EGLN1: variants seen among roughly 807,000 people sequenced by gnomAD.
EGLN1 encodes egl-9 family hypoxia inducible factor 1, also known as egl nine homolog 1.
Under a neutral mutation model 38.3 loss-of-function variants are expected in EGLN1, and 17 were observed. The observed-to-expected ratio is 0.44, with a 90% CI of 0.30 to 0.67. EGLN1 has a LOEUF of 0.67. Ranked by LOEUF, EGLN1 falls within the 30% of genes least tolerant of loss-of-function variation. The pLI is 0.08. For synonymous variants in EGLN1, 283 were observed against 257.5 expected, an observed-to-expected ratio of 1.10 and a Z score of -0.95; for missense variants, 477 against 603.3, an observed-to-expected ratio of 0.79 and a Z score of 2.19.
At chr1:231,409,398 C>T (rs1688876089) in intron 1 of EGLN1, among the ~76,000 whole-genome samples, 2 of 152,052 alleles carry the variant, frequency 1.3e-5, no homozygotes, top group Non-Finnish European at 2.9e-5. Flanking sequence ...AGTTAAGACT[C>T]CAGAAAGGCA....
intron 1 of EGLN1, among the ~76,000 whole-genome samples, chr1:231,389,184 T>C (rs912454526): frequency 5.9e-5 from 9 of 152,242 alleles, no homozygotes; most frequent in Non-Finnish European, 7.3e-5. Flanking sequence ...TCAACCATAC[T>C]ATACAGAAGT....
intron 1 of EGLN1, among the ~76,000 whole-genome samples, chr1:231,381,923 T>G (rs150824027): frequency 6.6e-4 from 100 of 152,334 alleles, no homozygotes; most frequent in African/African-American, 2.3e-3. Flanking sequence ...AGACTGGGGA[T>G]CCTGAGCAGG....
At chr1:231,371,495 C>A (rs1277306794) in intron 2 of EGLN1, among the ~76,000 whole-genome samples, 1 of 152,196 alleles carries the variant, frequency 6.6e-6, no homozygotes, top group African/African-American at 2.4e-5. Context: ...TTATGACCAT[C>A]ATTATTGTCG....
At chr1:231,411,507 T>C (rs1688941675) in intron 1 of EGLN1, among the ~76,000 whole-genome samples, 2 of 152,222 alleles carry the variant, frequency 1.3e-5, no homozygotes, top group South Asian at 4.1e-4. Context: ...CATTTCCTAT[T>C]AAGGTGTTAT....
rs1553353099 is a variant in EGLN1 at position 231,391,092 on chromosome 1, T to TGTGTGTGTGTG, written c.892-16994_892-16993insCACACACACAC. ...ACAGGGAACTCATTCTGTTTTTTTT[T>TGTGTGTGTGTG]TGTGTGTGTGTGTGTGTGTGTGTGT... is the stretch of plus-strand genomic sequence containing the variant. On this transcript the variant is annotated intron_variant, in intron 1 of 4. Transcript: ENST00000366641. Among the ~76,000 whole-genome samples the TGTGTGTGTGTG allele has an allele frequency of 9.9e-4, 67 of 67,360 alleles. 1 individual carries two copies. Among genetic ancestry groups the TGTGTGTGTGTG allele is most frequent in the South Asian group, 2.0e-3 (4 of 2,046 alleles). 44.2% of individuals were successfully genotyped at this position (67,360 alleles called of 152,430 possible).
intron 2 of EGLN1, among the ~76,000 whole-genome samples, chr1:231,371,505 G>A (rs372654966): frequency 2.6e-5 from 4 of 152,018 alleles, no homozygotes; most frequent in African/African-American, 7.3e-5. Flanking sequence ...CATTATTGTC[G>A]TCGTCACCAT....
rs141705022 is a variant in EGLN1 at position 231,411,581 on chromosome 1, A to C, written c.891+9417T>G. ...TACAGCTTCCTGGGTTCTGGAGTTCATGTTTCATGTTTCTGGTTTTAATTT... is the reference window on the plus strand; with the variant it reads ...TACAGCTTCCTGGGTTCTGGAGTTCCTGTTTCATGTTTCTGGTTTTAATTT... On this transcript the variant is annotated intron_variant, in intron 1 of 4. Coordinates refer to ENST00000366641, the MANE Select transcript of EGLN1 (RefSeq NM_022051.3). Among the ~76,000 whole-genome samples, 1,109 of 152,254 alleles carry C rather than the reference A, an allele frequency of 7.3e-3. 6 individuals carry two copies. The highest frequency in any genetic ancestry group is 0.011 in the South Asian group (51 of 4,824).
chr1:231,416,795 CCT>C (rs1469017253), intron 1 of EGLN1, among the ~76,000 whole-genome samples: 2 of 152,082 alleles, frequency 1.3e-5, no homozygotes, highest in African/African-American at 4.8e-5. Flanking sequence ...TTAAGACTAC[CCT>C]CTCAGTCCAC....
intron 1 of EGLN1, among the ~76,000 whole-genome samples, chr1:231,377,881 A>T (rs765583546): frequency 2.0e-5 from 3 of 150,046 alleles, no homozygotes; most frequent in Non-Finnish European, 4.5e-5. Flanking sequence ...CCAAGTGAGG[A>T]TTCTTTGAAA....
chr1:231,382,144 G>T (rs1178742249), intron 1 of EGLN1, among the ~76,000 whole-genome samples: 1 of 152,140 alleles, frequency 6.6e-6, no homozygotes, highest in Non-Finnish European at 1.5e-5. Context: ...ATACATTCTG[G>T]CACTTCTTGA....
intron 1 of EGLN1, among the ~76,000 whole-genome samples, chr1:231,381,252 T>C (rs1007179454): frequency 2.6e-5 from 4 of 152,176 alleles, no homozygotes; most frequent in African/African-American, 7.2e-5. Context: ...CGCTGTCATA[T>C]GACACAACAA....
chr1:231,421,789 T>A lies in EGLN1; in HGVS notation c.100A>T (p.Ser34Cys). The change falls in exon 1 of 5, where the codon AGC (serine) becomes TGC (cysteine). Residue 34 changes from serine to cysteine, a missense_variant. Ser to Cys is a moderately radical substitution (Grantham distance 112). Around this residue, in one of 4 missense-constraint regions of EGLN1, gnomAD observed 298 missense variants for 288.9 expected, o/e 1.03. Transcript: ENST00000366641. The surrounding 1 kb of genome is among the most constrained non-coding windows in gnomAD (Gnocchi z 5.5). ...CGKMENLLRCSRCRSSFYCCK... is the reference protein window; with the variant it reads ...CGKMENLLRCCRCRSSFYCCK... ...CAGTAGAAGGAGCTGCGGCAGCGGC[T>A]GCAGCGCAGCAGGTTCTCCATCTTC... is the stretch of plus-strand genomic sequence containing the variant. 6.4e-7 allele frequency: 1 copy of A among 1,558,898 alleles called. No individual in the cohort carries two copies.
intron 1 of EGLN1, among the ~76,000 whole-genome samples, chr1:231,383,585 A>G (rs2474625): frequency 0.55 from 82,930 of 152,058 alleles, 24,241 homozygotes; most frequent in Non-Finnish European, 0.65. Context: ...GAATATTTGC[A>G]AAAACAGAAT....
At chr1:231,392,543 T>C (rs1381451888) in intron 1 of EGLN1, among the ~76,000 whole-genome samples, 1 of 152,178 alleles carries the variant, frequency 6.6e-6, no homozygotes. Flanking sequence ...TAAAATGTTA[T>C]GGTGGTAATA....
chr1:231,411,083 T>C (rs1170410429), intron 1 of EGLN1, among the ~76,000 whole-genome samples: 2 of 151,950 alleles, frequency 1.3e-5, no homozygotes, highest in African/African-American at 2.4e-5. Context: ...TTCAGAGAGA[T>C]GGTTAATATG....
chr1:231,412,158 T>A (rs1451611743), intron 1 of EGLN1, among the ~76,000 whole-genome samples: 2 of 149,176 alleles, frequency 1.3e-5, no homozygotes, highest in African/African-American at 2.5e-5. Flanking sequence ...GAAAGGCTCA[T>A]ACAACACTGA....
chr1:231,371,087 A>C (rs1223851900), intron 2 of EGLN1, among the ~76,000 whole-genome samples: 3 of 152,086 alleles, frequency 2.0e-5, no homozygotes, highest in Non-Finnish European at 4.4e-5. Context: ...ATGGGTTTTC[A>C]CCATGTTGGC....
intron 1 of EGLN1, among the ~76,000 whole-genome samples, chr1:231,401,984 A>G (rs568848430): frequency 1.5e-4 from 23 of 152,292 alleles, no homozygotes; most frequent in African/African-American, 5.3e-4. Flanking sequence ...TGGTATCATC[A>G]ATATATTTAA....
Position 231,367,579 on chromosome 1 carries a change from T to C in EGLN1, c.1206A>G (p.Lys402=). Reference sequence around the variant, plus strand: ...CCAAATGACGTTTACCTGTTAGATATTTTACTTTAGCTCGTGCTCTCTCAT... The same window carrying C: ...CCAAATGACGTTTACCTGTTAGATACTTTACTTTAGCTCGTGCTCTCTCAT... ...DADERARAKV[K]YLTGEKGVRV... is the part of the protein sequence containing the mutation. Residue 402 remains lysine, a synonymous_variant, in exon 4 of 5, where the codon AAA becomes AAG. Coordinates refer to ENST00000366641, the MANE Select transcript of EGLN1 (RefSeq NM_022051.3). 1 of 1,614,060 alleles carries C rather than the reference T, an allele frequency of 6.2e-7. No individual in the cohort carries two copies. The highest frequency in any genetic ancestry group is 8.5e-7 in the Non-Finnish European group (1 of 1,179,986).
Sources: gnomAD v4.1 joint callset for allele counts (sites outside exome capture counted in the v4.1 genomes callset) on GRCh38, gnomAD v4.1.1 for gene constraint, gnomAD v4.1.1 regional missense constraint, Gnocchi (gnomAD v3.1) non-coding constraint, MANE v1.5 for transcripts, NCBI Gene and HGNC (gene_info 2026-07-23, HGNC 2026-07-21) for gene names.